Variants in RGMA observed in about 807,000 individuals in gnomAD.
RGMA encodes repulsive guidance molecule A.
In RGMA, 10 loss-of-function variants were observed where a neutral mutation model predicts 23.2. The ratio of observed to expected loss-of-function variants is 0.43; its 90% CI spans 0.27 to 0.73. The LOEUF is 0.73. Ranked by LOEUF, RGMA falls within the 30% of genes least tolerant of loss-of-function variation. RGMA has a pLI of 0.20. For synonymous variants in RGMA, 308 were observed against 279.3 expected, an observed-to-expected ratio of 1.10 and a Z score of -1.03; for missense variants, 547 against 630.5, an observed-to-expected ratio of 0.87 and a Z score of 1.42.
chr15:93,052,830 G>A lies in RGMA; in HGVS notation c.131-323C>T, dbSNP rs975201366. ...GGAGCTGACAGGCCACCCTGGGGCC[G>A]CTGACATCTATATACACTTTCATGG... On this transcript the variant is annotated intron_variant, in intron 2 of 3. Coordinates refer to ENST00000329082, the MANE Select transcript of RGMA (RefSeq NM_020211.3). Among the ~76,000 whole-genome samples, 40 of 152,312 alleles carry A rather than the reference G, an allele frequency of 2.6e-4. 1 individual carries two copies. The highest frequency in any genetic ancestry group is 2.1e-4 in the South Asian group (1 of 4,824).
rs1289790081 is a variant in RGMA at position 93,041,013 on chromosome 15, C to T, written c.*3985G>A. ...GCGACGGGTTGAGCCAGTTTTGACG[C>T]CAAGTTTGCCTGCAGCCCGAGCCCA... On this transcript the variant is annotated 3_prime_UTR_variant, in exon 4 of 4. Coordinates refer to ENST00000329082, the MANE Select transcript of RGMA (RefSeq NM_020211.3). 6.6e-6 allele frequency: 1 copy of T among 152,210 alleles called. No homozygotes were observed. The highest frequency in any genetic ancestry group is 1.5e-5 in the Non-Finnish European group (1 of 68,060). The allele number at this position is 152,210 out of a possible 1,614,324, so 9.4% of individuals were successfully genotyped here. A position where few individuals can be genotyped will look rare whatever the true frequency, so the allele number is the denominator to read the frequency against.
chr15:93,066,235 T>C, intron 2 of RGMA: 1 of 1,355,084 alleles, frequency 7.4e-7, no homozygotes, highest in Non-Finnish European at 1.1e-6. Context: ...GCGCAGAAAC[T>C]TCCTGGGCTT....
At chr15:93,049,502 A>AT (rs1217686586) in intron 3 of RGMA, among the ~76,000 whole-genome samples, 3 of 152,218 alleles carry the variant, frequency 2.0e-5, no homozygotes, top group African/African-American at 7.2e-5. Context: ...TGGGCACAGA[A>AT]GGCTGTCCCA....
chr15:93,049,080 G>A (rs17610924), intron 3 of RGMA, among the ~76,000 whole-genome samples: 1 of 152,142 alleles, frequency 6.6e-6, no homozygotes, highest in Non-Finnish European at 1.5e-5. Context: ...CATGAAGGGG[G>A]CCTGTCGAAA....
chr15:93,087,114 G>C (rs779558387), intron 1 of RGMA, among the ~76,000 whole-genome samples: 90 of 152,066 alleles, frequency 5.9e-4, no homozygotes, highest in Non-Finnish European at 1.2e-3. Flanking sequence ...CAGGGTACTT[G>C]AAAAAAGGAG....
At chr15:93,074,021 G>A in intron 1 of RGMA, 1 of 1,378,576 alleles carries the variant, frequency 7.3e-7, no homozygotes, top group Non-Finnish European at 9.3e-7. Flanking sequence ...TATTTTTCTG[G>A]GAAAGAAACA....
At chr15:93,075,280 GT>G (rs950360121) in intron 1 of RGMA, among the ~76,000 whole-genome samples, 10 of 151,576 alleles carry the variant, frequency 6.6e-5, no homozygotes, top group East Asian at 3.9e-4. Flanking sequence ...ACATACAGTA[GT>G]TTTTTTTTCC....
At position 93,051,960 on chromosome 15, in the gene RGMA, G is replaced by C. The variant is rs535464402; in HGVS notation, c.645+33C>G. ...CACGCAGGGCAGAGACAAAGGGCAG[G>C]GCTGTGCCCTACAGCCGCCCCCTCC... On this transcript the variant is annotated intron_variant, in intron 3 of 3. Coordinates refer to ENST00000329082, the MANE Select transcript of RGMA (RefSeq NM_020211.3). The C allele has an allele frequency of 2.6e-6, 4 of 1,553,566 alleles. No individual in the cohort carries two copies. The East Asian group carries it at 9.5e-5, about 37-fold the overall frequency.
At chr15:93,088,765 T>TAG in intron 1 of RGMA, 154 bp downstream of exon 1, 2 of 796,498 alleles carry the variant, frequency 2.5e-6, no homozygotes, top group South Asian at 3.4e-5. Flanking sequence ...GCTAAAGCGA[T>TAG]AGAGGCGCAG....
chr15:93,066,914 G>A (rs547116575), intron 2 of RGMA, among the ~76,000 whole-genome samples: 2 of 152,244 alleles, frequency 1.3e-5, no homozygotes, highest in Admixed American at 1.3e-4. Context: ...CTGGCTATGT[G>A]TGCAATGTCG....
intron 3 of RGMA, among the ~76,000 whole-genome samples, chr15:93,049,399 CT>C (rs1204288112): frequency 6.6e-6 from 1 of 152,200 alleles, no homozygotes; most frequent in Non-Finnish European, 1.5e-5. Flanking sequence ...AGGCGCAGGA[CT>C]TGAGTTCCTG....
At chr15:93,087,849 T>A (rs1367850432) in intron 1 of RGMA, among the ~76,000 whole-genome samples, 4 of 152,162 alleles carry the variant, frequency 2.6e-5, no homozygotes, top group African/African-American at 7.2e-5. Context: ...CTCAATGTGC[T>A]GAGCATGGGA....
At chr15:93,071,183 A>C (rs1895310297) in intron 2 of RGMA, among the ~76,000 whole-genome samples, 1 of 152,232 alleles carries the variant, frequency 6.6e-6, no homozygotes, top group South Asian at 2.1e-4. Flanking sequence ...TAAAACTTCC[A>C]ATGGGCTTGA....
intron 1 of RGMA, among the ~76,000 whole-genome samples, chr15:93,078,125 T>A (rs965323386): frequency 3.9e-5 from 6 of 152,236 alleles, no homozygotes; most frequent in Non-Finnish European, 7.3e-5. Flanking sequence ...CTCCTGCAGC[T>A]CTTCCTGAGC....
At chr15:93,077,818 GT>G (rs777029840) in intron 1 of RGMA, among the ~76,000 whole-genome samples, 1 of 152,146 alleles carries the variant, frequency 6.6e-6, no homozygotes, top group Non-Finnish European at 1.5e-5. Flanking sequence ...AGCAATTCTT[GT>G]GTCTCAGCCT....
intron 2 of RGMA, among the ~76,000 whole-genome samples, chr15:93,054,936 CCT>C (rs146232978): frequency 0.055 from 8,429 of 152,230 alleles, 333 homozygotes; most frequent in Middle Eastern, 0.096. Context: ...CCTGCCGCCC[CCT>C]GATAAAGCCG....
At position 93,039,683 on chromosome 15, in the gene RGMA, A is replaced by G. The variant is rs1000412532; in HGVS notation, c.*5315T>C. On this transcript the variant is annotated 3_prime_UTR_variant, in exon 4 of 4. Transcript: ENST00000329082. ...TTCTTGTGTTAGTTTGCTGAGAATG[A>G]TGGTTTCCAGCTTCATCCATGTCCC... 2 of 152,104 alleles carry G rather than the reference A, an allele frequency of 1.3e-5. No homozygotes were observed. The highest frequency in any genetic ancestry group is 2.9e-5 in the Non-Finnish European group (2 of 68,058). The allele number at this position is 152,104 out of a possible 1,614,324, so 9.4% of individuals were successfully genotyped here.
At chr15:93,063,795 G>A (rs562776223) in intron 2 of RGMA, among the ~76,000 whole-genome samples, 1 of 152,332 alleles carries the variant, frequency 6.6e-6, no homozygotes, top group Non-Finnish European at 1.5e-5. Flanking sequence ...CCAGCCACAG[G>A]AGAAAGAGGG....
At chr15:93,050,694 C>T (rs547463149) in intron 3 of RGMA, among the ~76,000 whole-genome samples, 5 of 152,344 alleles carry the variant, frequency 3.3e-5, no homozygotes, top group Admixed American at 1.3e-4. Context: ...GCTCTGTTGT[C>T]GCATTTGGTG....
Sources: gnomAD v4.1 joint callset for allele counts (sites outside exome capture counted in the v4.1 genomes callset) on GRCh38, gnomAD v4.1.1 for gene constraint, MANE v1.5 for transcripts, NCBI Gene and HGNC (gene_info 2026-07-23, HGNC 2026-07-21) for gene names.